Variants in GNA11 observed in about 807,000 individuals in gnomAD.
GNA11 encodes G protein subunit alpha 11.
In GNA11, 8 loss-of-function variants were observed where a neutral mutation model predicts 38.2. That is an observed-to-expected ratio of 0.21 (90% CI 0.12 to 0.38). The LOEUF (loss-of-function observed/expected upper bound fraction) is 0.38, where lower values mean the gene tolerates loss of function less well. Among genes scored for constraint, GNA11 ranks in the 10% least tolerant of loss-of-function variants. The pLI is 1.00. For synonymous variants in GNA11, 211 were observed against 221.4 expected, an observed-to-expected ratio of 0.95 and a Z score of 0.42; for missense variants, 268 against 516.3, an observed-to-expected ratio of 0.52 and a Z score of 4.66.
intron 2 of GNA11, 27 bp from the exon 3 acceptor site, chr19:3,113,303 C>T (rs370943591): frequency 3.5e-5 from 56 of 1,607,640 alleles, no homozygotes; most frequent in East Asian, 4.5e-5. Flanking sequence ...AGCGAGCTCT[C>T]GACGTCTCCC....
At chr19:3,102,743 G>A (rs112083219) in intron 1 of GNA11, among the ~76,000 whole-genome samples, 2,242 of 152,272 alleles carry the variant, frequency 0.015, 70 homozygotes, top group African/African-American at 0.051. Context: ...AGGGGCGTCC[G>A]TCCTCCGCTG....
rs1478740996 is a variant in GNA11 at position 3,121,788 on chromosome 19, G to GA, written c.*610dup. The GA allele has an allele frequency of 4.3e-6, 1 of 232,816 alleles. No individual in the cohort carries two copies. The highest frequency in any genetic ancestry group is 8.5e-6 in the Non-Finnish European group (1 of 117,774). The allele number at this position is 232,816 out of a possible 1,614,324, so 14.4% of individuals were successfully genotyped here. On this transcript the variant is annotated 3_prime_UTR_variant, in exon 7 of 7. Coordinates refer to ENST00000078429, the MANE Select transcript of GNA11 (RefSeq NM_002067.5). ...GTGCTTTGCCCACTGGACTCCTGAA[G>GA]AGGGGGTGGGGGGCTCCCTCGGTCG...
Position 3,113,493 on chromosome 19 carries a change from G to T in GNA11, c.476+9G>T. ...TCCGACTCTGCCAAGTAGTAAGTGC[G>T]GCCGCACCGCTGGCGGCCTGGGGAC... On this transcript the variant is annotated intron_variant, in intron 3 of 6. Coordinates refer to ENST00000078429, the MANE Select transcript of GNA11 (RefSeq NM_002067.5). 1 of 1,565,116 alleles carries T rather than the reference G, an allele frequency of 6.4e-7. No homozygotes were observed. The highest frequency in any genetic ancestry group is 8.7e-7 in the Non-Finnish European group (1 of 1,154,418).
At chr19:3,114,407 C>T (rs887375857) in intron 3 of GNA11, among the ~76,000 whole-genome samples, 1 of 152,202 alleles carries the variant, frequency 6.6e-6, no homozygotes, top group African/African-American at 2.4e-5. Context: ...GCGTGGACTT[C>T]AGTAGCTGCG....
chr19:3,099,013 C>T (rs753837207), intron 1 of GNA11, among the ~76,000 whole-genome samples: 8 of 152,336 alleles, frequency 5.3e-5, no homozygotes, highest in Non-Finnish European at 7.4e-5. Context: ...GCCTCCTGCC[C>T]GGCTCTGCCG....
chr19:3,112,006 A>G (rs308062), intron 2 of GNA11, among the ~76,000 whole-genome samples: 136,132 of 152,270 alleles, frequency 0.89, 61,133 homozygotes, highest in African/African-American at 0.98. Flanking sequence ...TGAAACACGC[A>G]TCTGCAAACT....
At position 3,110,736 on chromosome 19, in the gene GNA11, G is replaced by A. The variant is rs752418260; in HGVS notation, c.321+403G>A. Among the ~76,000 whole-genome samples, 2 of 152,136 alleles carry A rather than the reference G, an allele frequency of 1.3e-5. No homozygotes were observed. The highest frequency in any genetic ancestry group is 6.5e-5 in the Admixed American group (1 of 15,274). On this transcript the variant is annotated intron_variant, in intron 2 of 6. Coordinates refer to ENST00000078429, the MANE Select transcript of GNA11 (RefSeq NM_002067.5). This position sits in a 1 kb window ranked among gnomAD's most constrained non-coding sequence, Gnocchi z 5.4. ...AGCAGCCTACCAGGCACCTCGTTTC[G>A]GCCCTGACACTCACCCATGGGGCTG...
intron 2 of GNA11, among the ~76,000 whole-genome samples, chr19:3,111,765 CTATGGG>C (rs1395570854): frequency 6.6e-6 from 1 of 152,232 alleles, no homozygotes; most frequent in African/African-American, 2.4e-5. Flanking sequence ...AGTGGCCGCC[CTATGGG>C]GCAGGCCCAG....
rs776745993 is a variant in GNA11 at position 3,113,502 on chromosome 19, G to C, written c.476+18G>C. 1.9e-6 allele frequency: 3 copies of C among 1,543,472 alleles called. No homozygotes were observed. The highest frequency in any genetic ancestry group is 2.6e-6 in the Non-Finnish European group (3 of 1,142,108). Reference sequence around the variant, plus strand: ...GCCAAGTAGTAAGTGCGGCCGCACCGCTGGCGGCCTGGGGACGGCAGCTGC... The same window carrying C: ...GCCAAGTAGTAAGTGCGGCCGCACCCCTGGCGGCCTGGGGACGGCAGCTGC... On this transcript the variant is annotated intron_variant, in intron 3 of 6. Coordinates refer to ENST00000078429, the MANE Select transcript of GNA11 (RefSeq NM_002067.5).
chr19:3,104,356 C>G (rs1913584490), intron 1 of GNA11, among the ~76,000 whole-genome samples: 2 of 152,250 alleles, frequency 1.3e-5, no homozygotes, highest in South Asian at 4.1e-4. Context: ...ACTCTGGCCC[C>G]TCCTAGTGGT....
rs1432472801 is a variant in GNA11, at chr19:3,123,360, C to CA, written c.*2187dup. On this transcript the variant is annotated 3_prime_UTR_variant, in exon 7 of 7. Transcript: ENST00000078429. ...TCTGAGTGCCTGATCCCCTGCCCCC[C>CA]AAAAAAGCAGAGGTAGGTGTTGCAG... is the stretch of plus-strand genomic sequence containing the variant. The CA allele has an allele frequency of 9.0e-5, 21 of 233,414 alleles. No homozygotes were observed. The highest frequency in any genetic ancestry group is 3.5e-4 in the African/African-American group (16 of 45,464). The allele number at this position is 233,414 out of a possible 1,614,324, so 14.5% of individuals were successfully genotyped here.
At chr19:3,099,010 G>A (rs1236351493) in intron 1 of GNA11, among the ~76,000 whole-genome samples, 2 of 152,224 alleles carry the variant, frequency 1.3e-5, no homozygotes, top group Non-Finnish European at 2.9e-5. Flanking sequence ...CGAGCCTCCT[G>A]CCCGGCTCTG....
intron 2 of GNA11, among the ~76,000 whole-genome samples, chr19:3,112,715 G>A (rs570714270): frequency 2.6e-5 from 4 of 152,254 alleles, no homozygotes; most frequent in African/African-American, 4.8e-5. Context: ...TGTTGAGTGC[G>A]GCAGCTCGGG....
At chr19:3,116,111 C>T (rs1268482326) in intron 4 of GNA11, among the ~76,000 whole-genome samples, 2 of 152,038 alleles carry the variant, frequency 1.3e-5, no homozygotes, top group Non-Finnish European at 2.9e-5. Flanking sequence ...TCCAGGTCCA[C>T]TGTGGCTGGG....
rs745913963 is a variant in GNA11, at chr19:3,120,951, CGGG to C, written c.890-37_890-35del. ...GGCCCACGAGTCCCTTGCCCTGGGC[CGGG>C]CTGGGGCACAGCCTCACCCTCTGCC... On this transcript the variant is annotated intron_variant, in intron 6 of 6. Transcript: ENST00000078429. This position sits in a 1 kb window ranked among gnomAD's most constrained non-coding sequence, Gnocchi z 5.9. The C allele has an allele frequency of 1.2e-5, 19 of 1,536,602 alleles. No homozygotes were observed. The highest frequency in any genetic ancestry group is 1.7e-5 in the Non-Finnish European group (19 of 1,119,624).
chr19:3,110,227 A>G lies in GNA11; in HGVS notation c.215A>G (p.Lys72Arg). The change falls in exon 2 of 7, where the codon AAG becomes AGG. Residue 72 changes from lysine to arginine, a missense_variant. By Grantham distance (26) the Lys-to-Arg change is conservative. Coordinates refer to ENST00000078429, the MANE Select transcript of GNA11 (RefSeq NM_002067.5). This position sits in a 1 kb window ranked among gnomAD's most constrained non-coding sequence, Gnocchi z 5.4. ...IHGAGYSEED[K>R]RGFTKLVYQN... ...GGCGCCGGCTACTCGGAGGAGGACA[A>G]GCGCGGCTTCACCAAGCTCGTCTAC... 6.2e-7 allele frequency: 1 copy of G among 1,613,938 alleles called. No individual in the cohort carries two copies. Among genetic ancestry groups the G allele is most frequent in the Non-Finnish European group, 8.5e-7 (1 of 1,179,904 alleles).
At chr19:3,111,638 T>A (rs1913778205) in intron 2 of GNA11, among the ~76,000 whole-genome samples, 1 of 152,186 alleles carries the variant, frequency 6.6e-6, no homozygotes, top group South Asian at 2.1e-4. Flanking sequence ...TGGACGTGTG[T>A]TTATGTGGAT....
At chr19:3,118,881 T>A in intron 4 of GNA11, 43 bp from the exon 5 acceptor site, 1 of 1,597,738 alleles carries the variant, frequency 6.3e-7, no homozygotes, top group Non-Finnish European at 8.5e-7. Context: ...AGATTGGGCC[T>A]TGGGGCGCCA....
rs376237181 is a variant in GNA11 at position 3,121,208 on chromosome 19, G to C, written c.*29G>C. ...CCCAGGCCCAGGGAGACGGGATGGA[G>C]ACACGGGGCAGGACCTTCCTTCCAC... On this transcript the variant is annotated 3_prime_UTR_variant, in exon 7 of 7. Transcript: ENST00000078429. The C allele has an allele frequency of 2.2e-4, 342 of 1,574,380 alleles. No individual in the cohort carries two copies. Among genetic ancestry groups the C allele is most frequent in the Non-Finnish European group, 2.8e-4 (319 of 1,149,342 alleles).
Sources: allele counts gnomAD v4.1 joint callset (sites outside exome capture counted in the v4.1 genomes callset), GRCh38; gene constraint gnomAD v4.1.1; non-coding constraint Gnocchi (gnomAD v3.1); transcripts MANE v1.5; gene names NCBI Gene and HGNC (gene_info 2026-07-23, HGNC 2026-07-21).